Variants in PRDM11 observed in about 807,000 individuals in gnomAD.
The protein encoded by PRDM11 is PR domain-containing protein 11.
PRDM11 carries 20 observed loss-of-function variants against 97.8 expected under a neutral mutation model. That is an observed-to-expected ratio of 0.20 (90% CI 0.14 to 0.30). The LOEUF is 0.30. Ranked by LOEUF, PRDM11 falls within the 10% of genes least tolerant of loss-of-function variation. The probability of loss-of-function intolerance (pLI) is 1.00; values close to 1 mark genes in which losing one functional copy is unlikely to be tolerated. For synonymous variants in PRDM11, 599 were observed against 637.7 expected (o/e 0.94, Z 0.91); for missense variants, 1,139 against 1,555.2 (o/e 0.73, Z 4.50).
At chr11:45,213,632 A>G in intron 5 of PRDM11, 1 of 456,016 alleles carries the variant, frequency 2.2e-6, no homozygotes, top group South Asian at 1.5e-5. Flanking sequence ...GAAGGAAAAG[A>G]CTGTCTTGCA....
rs1422170848 is a variant in PRDM11, at chr11:45,227,399, C to G, written c.2774C>G (p.Ser925Cys). The change falls in exon 8 of 8, where the codon TCC becomes TGC. Residue 925 changes from serine (S) to cysteine (C), a missense_variant. Ser to Cys is a moderately radical substitution (Grantham distance 112). Coordinates refer to ENST00000683152, the MANE Select transcript of PRDM11 (RefSeq NM_001384648.1). The surrounding 1 kb of genome is among the most constrained non-coding windows in gnomAD (Gnocchi z 8.0). Reference sequence around the variant, plus strand: ...CAGGAGATCAGCCGGCTGGCTGACTCCCCGGGAGAATACCTGCAGGAGTTC... The same window carrying G: ...CAGGAGATCAGCCGGCTGGCTGACTGCCCGGGAGAATACCTGCAGGAGTTC... ...AIQEISRLAD[S>C]PGEYLQEFEE... is the part of the protein sequence containing the mutation. 1.3e-6 allele frequency: 2 copies of G among 1,533,792 alleles called. No homozygotes were observed. The highest frequency in any genetic ancestry group is 2.0e-5 in the Admixed American group (1 of 50,980).
rs78189888 is a variant in PRDM11 at position 45,184,736 on chromosome 11, C to T, written c.486+1613C>T. 7.0e-3 allele frequency among the ~76,000 whole-genome samples: 1,065 copies of T among 152,138 alleles called. 12 individuals carry two copies. The highest frequency in any genetic ancestry group is 0.024 in the African/African-American group (1,015 of 41,484). ...TGAGTTTGGAGTAACAACAAGATAT[C>T]CAAGTGGTGATGTCAAGTAGGCAGT... On this transcript the variant is annotated intron_variant, in intron 4 of 7. Transcript: ENST00000683152.
chr11:45,209,996 C>T (rs1256964710), intron 5 of PRDM11, among the ~76,000 whole-genome samples: 1 of 152,116 alleles, frequency 6.6e-6, no homozygotes, highest in East Asian at 1.9e-4. Flanking sequence ...CGAGGCCCCG[C>T]ATCAGGAAGG....
At chr11:45,122,383 ATACCATG>A (rs1227768354) in intron 1 of PRDM11, among the ~76,000 whole-genome samples, 3 of 152,004 alleles carry the variant, frequency 2.0e-5, no homozygotes, top group East Asian at 3.9e-4. Context: ...TTACACATGT[ATACCATG>A]TATACATGTA....
intron 6 of PRDM11, among the ~76,000 whole-genome samples, chr11:45,222,348 T>G (rs1289571498): frequency 6.6e-6 from 1 of 152,212 alleles, no homozygotes; most frequent in East Asian, 1.9e-4. Context: ...TGACGAGGAA[T>G]CTCTGGTGAT....
At chr11:45,190,399 C>T (rs981774583) in intron 4 of PRDM11, among the ~76,000 whole-genome samples, 3 of 151,836 alleles carry the variant, frequency 2.0e-5, no homozygotes, top group Non-Finnish European at 4.4e-5. Flanking sequence ...CTGCCCGCCT[C>T]GGCTTCCCAA....
At chr11:45,175,677 T>C (rs1376004233) in intron 1 of PRDM11, among the ~76,000 whole-genome samples, 1 of 152,250 alleles carries the variant, frequency 6.6e-6, no homozygotes. Context: ...GATCCATTCC[T>C]GGATGTGGGC....
intron 1 of PRDM11, among the ~76,000 whole-genome samples, chr11:45,128,979 A>C (rs1852653743): frequency 6.6e-6 from 1 of 152,166 alleles, no homozygotes; most frequent in South Asian, 2.1e-4. Context: ...TCATGACCAC[A>C]TGGTGTTTAT....
At chr11:45,177,146 A>G (rs1852345723) in intron 1 of PRDM11, among the ~76,000 whole-genome samples, 1 of 152,212 alleles carries the variant, frequency 6.6e-6, no homozygotes, top group South Asian at 2.1e-4. Context: ...TTCCCTGGCT[A>G]CACTGGCTCC....
chr11:45,110,186 A>G (rs900396866), intron 1 of PRDM11, among the ~76,000 whole-genome samples: 1 of 152,202 alleles, frequency 6.6e-6, no homozygotes, highest in African/African-American at 2.4e-5. Context: ...AGAATTTTTC[A>G]TCTCCTTTCT....
At chr11:45,181,073 G>A (rs753853759) in intron 1 of PRDM11, among the ~76,000 whole-genome samples, 55 of 152,180 alleles carry the variant, frequency 3.6e-4, no homozygotes, top group Non-Finnish European at 7.1e-4. Context: ...CCCAGGCTGC[G>A]TGCCACCCTC....
chr11:45,178,095 C>T (rs1284054716), intron 1 of PRDM11, among the ~76,000 whole-genome samples: 1 of 151,926 alleles, frequency 6.6e-6, no homozygotes, highest in African/African-American at 2.4e-5. Context: ...TTATATGCCT[C>T]GGTCCTTCTC....
chr11:45,154,462 A>G (rs758344489), intron 1 of PRDM11, among the ~76,000 whole-genome samples: 103 of 152,178 alleles, frequency 6.8e-4, no homozygotes, highest in Non-Finnish European at 1.1e-3. Context: ...GACACATTCA[A>G]ACAGACCCGG....
Position 45,149,754 on chromosome 11 carries a change from G to A in PRDM11, c.-7+2877G>A, listed in dbSNP as rs974320285. Among the ~76,000 whole-genome samples the A allele has an allele frequency of 5.3e-5, 8 of 152,372 alleles. No homozygotes were observed. In the South Asian group the frequency reaches 1.4e-3, roughly 28 times the overall value. Reference sequence around the variant, plus strand: ...AGCCTGAGTCCCTGTGTCACTCCGTGCGTGAAGCCCTTGGTGACCCATGAT... The same window carrying A: ...AGCCTGAGTCCCTGTGTCACTCCGTACGTGAAGCCCTTGGTGACCCATGAT... On this transcript the variant is annotated intron_variant, in intron 1 of 7. Transcript: ENST00000683152.
At chr11:45,180,157 A>T (rs1034927330) in intron 1 of PRDM11, among the ~76,000 whole-genome samples, 1 of 152,258 alleles carries the variant, frequency 6.6e-6, no homozygotes, top group Non-Finnish European at 1.5e-5. Flanking sequence ...ACCTTCGGCA[A>T]GTCGCTTGAC....
chr11:45,153,544 A>G lies in PRDM11; in HGVS notation c.-7+6667A>G, dbSNP rs116526076. Among the ~76,000 whole-genome samples, 681 of 152,314 alleles carry G rather than the reference A, an allele frequency of 4.5e-3. 4 individuals are homozygous for G. Among genetic ancestry groups the G allele is most frequent in the African/African-American group, 0.016 (655 of 41,570 alleles). On this transcript the variant is annotated intron_variant, in intron 1 of 7. Transcript: ENST00000683152. ...TGAGGCCAGTGGACATGGGGGAGGC[A>G]TGGGGGTCCTCTCATGCCTCTTGCT...
chr11:45,096,003 T>A, intron 1 of PRDM11: 2 of 709,868 alleles, frequency 2.8e-6, no homozygotes, highest in Non-Finnish European at 5.2e-6. Context: ...TTCAGGCCCC[T>A]GCTTGTTGTC....
In PRDM11 at chr11:45,106,474, C is replaced by T. The variant is rs1463402805; in HGVS notation, c.96+10573C>T. On this transcript the variant is annotated intron_variant, in intron 1 of 6. Coordinates refer to the PRDM11 transcript ENST00000530656. Reference sequence around the variant, plus strand: ...TCTAGTTATACTGCTATGCTACAAACCACCCCAAAATTGAGCACATAAGAC... The same window carrying T: ...TCTAGTTATACTGCTATGCTACAAATCACCCCAAAATTGAGCACATAAGAC... Among the ~76,000 whole-genome samples the T allele has an allele frequency of 3.3e-5, 5 of 152,166 alleles. No homozygotes were observed. The East Asian group carries it at 9.6e-4, about 29-fold the overall frequency.
intron 1 of PRDM11, among the ~76,000 whole-genome samples, chr11:45,169,283 C>T (rs1203506080): frequency 1.3e-5 from 2 of 152,226 alleles, no homozygotes; most frequent in Non-Finnish European, 2.9e-5. Flanking sequence ...GAAATGCATG[C>T]ATCTGGTATA....
Sources: gnomAD v4.1 joint callset for allele counts (sites outside exome capture counted in the v4.1 genomes callset) on GRCh38, gnomAD v4.1.1 for gene constraint, Gnocchi (gnomAD v3.1) non-coding constraint, MANE v1.5 for transcripts, NCBI Gene and HGNC (gene_info 2026-07-23, HGNC 2026-07-21) for gene names.